NRG1: variants seen among roughly 807,000 people sequenced by gnomAD.
NRG1 encodes the protein pro-neuregulin-1, membrane-bound isoform.
A neutral mutation model predicts 63.8 loss-of-function variants in NRG1; 18 were observed. That is an observed-to-expected ratio of 0.28 (90% CI 0.19 to 0.42). NRG1 has a LOEUF of 0.42. NRG1 is among the 10% of genes least tolerant of loss of function. NRG1 has a pLI of 1.00. For synonymous variants in NRG1, 302 were observed against 301.3 expected (o/e 1.00, Z -0.02); for missense variants, 762 against 814.7 (o/e 0.94, Z 0.79).
At chr8:32,336,452 A>T (rs2129477953) in intron 1 of NRG1, among the ~76,000 whole-genome samples, 1 of 152,298 alleles carries the variant, frequency 6.6e-6, no homozygotes, top group South Asian at 2.1e-4. Context: ...CCAGGCAGAG[A>T]GAATCAAAAA....
In NRG1 at chr8:32,384,074, T is replaced by A. The variant is rs76092781; in HGVS notation, c.38-211754T>A. On this transcript the variant is annotated intron_variant, in intron 1 of 10. Transcript: ENST00000519301. ...ACATAGGGAGAACTTGTCTCTAGAA[T>A]AAAATAGAAAAACATAGCCAGGAGT... 8.3e-3 allele frequency among the ~76,000 whole-genome samples: 1,267 copies of A among 152,018 alleles called. 21 individuals are homozygous for A. The highest frequency in any genetic ancestry group is 0.029 in the African/African-American group (1,219 of 41,454).
At chr8:32,332,503 A>T (rs1802773094) in intron 1 of NRG1, among the ~76,000 whole-genome samples, 1 of 152,202 alleles carries the variant, frequency 6.6e-6, no homozygotes, top group African/African-American at 2.4e-5. Flanking sequence ...CAATTAGGAT[A>T]CACCATTACA....
At chr8:31,968,635 C>T (rs1241579951) in intron 1 of NRG1, among the ~76,000 whole-genome samples, 1 of 152,122 alleles carries the variant, frequency 6.6e-6, no homozygotes, top group Non-Finnish European at 1.5e-5. Context: ...TTTAATGGAT[C>T]CTGTCTCTGA....
At chr8:32,418,872 G>A (rs1423529825) in intron 1 of NRG1, among the ~76,000 whole-genome samples, 14 of 152,154 alleles carry the variant, frequency 9.2e-5, no homozygotes, top group Admixed American at 7.9e-4. Flanking sequence ...TAAATTTCAT[G>A]AGCTTCATCC....
chr8:32,595,001 A>C (rs917256482), intron 1 of NRG1, among the ~76,000 whole-genome samples: 2 of 152,130 alleles, frequency 1.3e-5, no homozygotes, highest in African/African-American at 2.4e-5. Flanking sequence ...AGCTCCGAGT[A>C]CCCACAAACT....
chr8:31,791,063 GC>G (rs1419161770), intron 1 of NRG1, among the ~76,000 whole-genome samples: 1 of 151,984 alleles, frequency 6.6e-6, no homozygotes, highest in African/African-American at 2.4e-5. Flanking sequence ...AGAAAAATTA[GC>G]CAGGCATGGT....
At chr8:31,961,250 G>C (rs139120612) in intron 1 of NRG1, among the ~76,000 whole-genome samples, 179 of 152,262 alleles carry the variant, frequency 1.2e-3, no homozygotes, top group Middle Eastern at 6.8e-3. Context: ...TTTTTGAAGG[G>C]TTCAGAAGGT....
chr8:32,470,199 T>TTA (rs1216976174), intron 1 of NRG1, among the ~76,000 whole-genome samples: 1 of 131,024 alleles, frequency 7.6e-6, no homozygotes, highest in African/African-American at 2.9e-5. Flanking sequence ...TTTTTTTTTT[T>TTA]ACACAGAGTC....
intron 1 of NRG1, chr8:31,639,998 G>A (rs1156678548): frequency 3.6e-6 from 4 of 1,126,002 alleles, no homozygotes; most frequent in East Asian, 9.8e-5. Context: ...AGATGGCGAC[G>A]CGCCCCGCGC....
chr8:32,588,496 C>G (rs1842010857), intron 1 of NRG1, among the ~76,000 whole-genome samples: 1 of 152,184 alleles, frequency 6.6e-6, no homozygotes. Context: ...TAGTAAGAAG[C>G]CAACTCTGGC....
intron 1 of NRG1, chr8:32,256,442 C>G (rs1312787287): frequency 7.2e-5 from 11 of 152,276 alleles, no homozygotes; most frequent in Admixed American, 6.6e-4. Flanking sequence ...TAACAGGCCT[C>G]TCTACTGCAG....
intron 1 of NRG1, among the ~76,000 whole-genome samples, chr8:31,690,243 A>ACCTC (rs1554506891): frequency 2.6e-5 from 4 of 151,784 alleles, no homozygotes; most frequent in East Asian, 1.9e-4. Context: ...TCATTTATAA[A>ACCTC]TTTCCTCTAT....
intron 1 of NRG1, among the ~76,000 whole-genome samples, chr8:32,195,583 A>G (rs1394304372): frequency 6.6e-6 from 1 of 152,164 alleles, no homozygotes; most frequent in Non-Finnish European, 1.5e-5. Flanking sequence ...ACTAATCCAC[A>G]TTAGAGGCCA....
intron 1 of NRG1, among the ~76,000 whole-genome samples, chr8:32,208,305 C>T (rs376991670): frequency 5.4e-5 from 8 of 148,604 alleles, no homozygotes; most frequent in Middle Eastern, 3.4e-3. Flanking sequence ...TTTTTTTAGA[C>T]GGAGGTTTGC....
intron 1 of NRG1, among the ~76,000 whole-genome samples, chr8:31,940,552 C>G (rs185705000): frequency 6.6e-6 from 1 of 152,066 alleles, no homozygotes; most frequent in African/African-American, 2.4e-5. Context: ...TAACGAGGAT[C>G]AGAGCAGAAC....
chr8:32,503,831 C>A (rs553866298), intron 1 of NRG1, among the ~76,000 whole-genome samples: 35 of 152,234 alleles, frequency 2.3e-4, no homozygotes, highest in African/African-American at 6.3e-4. Flanking sequence ...GATGGCCAAG[C>A]AGGCGACTTG....
intron 1 of NRG1, among the ~76,000 whole-genome samples, chr8:31,798,234 A>G (rs1237601349): frequency 6.6e-6 from 1 of 152,342 alleles, no homozygotes; most frequent in Non-Finnish European, 1.5e-5. Flanking sequence ...ACACAGAGAA[A>G]TGATGAATGT....
At chr8:31,697,945 C>CAACTTTTA (rs1476513718) in intron 1 of NRG1, among the ~76,000 whole-genome samples, 3 of 149,324 alleles carry the variant, frequency 2.0e-5, no homozygotes, top group Non-Finnish European at 3.0e-5. Context: ...GGCTGGAGTA[C>CAACTTTTA]AGTGGCACTT....
chr8:31,864,929 G>GT (rs568318881), intron 1 of NRG1, among the ~76,000 whole-genome samples: 122 of 152,240 alleles, frequency 8.0e-4, no homozygotes, highest in Middle Eastern at 6.8e-3. Context: ...TGACCTCTCT[G>GT]TTTTTTCTAA....
Sources: allele counts gnomAD v4.1 joint callset (sites outside exome capture counted in the v4.1 genomes callset), GRCh38; gene constraint gnomAD v4.1.1; transcripts MANE v1.5; gene names NCBI Gene and HGNC (gene_info 2026-07-23, HGNC 2026-07-21).